FBXO9: variants seen among roughly 807,000 people sequenced by gnomAD.
FBXO9 encodes the protein F-box only protein 9.
FBXO9 carries 43 observed loss-of-function variants against 63.7 expected under a neutral mutation model. The observed-to-expected ratio is 0.67, with a 90% CI of 0.53 to 0.87. The LOEUF (loss-of-function observed/expected upper bound fraction) is 0.87. Among genes scored for constraint, FBXO9 ranks in the 40% least tolerant of loss-of-function variants. The probability of loss-of-function intolerance (pLI) is 0.00; values close to 1 mark genes in which losing one functional copy is unlikely to be tolerated. For synonymous variants in FBXO9, 156 were observed against 171.7 expected (o/e 0.91, Z 0.72); for missense variants, 442 against 533.2 (o/e 0.83, Z 1.68).
chr6:53,084,100 T>C (rs897258925), intron 7 of FBXO9, among the ~76,000 whole-genome samples: 9 of 152,250 alleles, frequency 5.9e-5, no homozygotes, highest in African/African-American at 2.2e-4. Context: ...TATTGTTAGG[T>C]GTGGTACTTC....
intron 4 of FBXO9, among the ~76,000 whole-genome samples, chr6:53,077,317 A>T (rs1465396466): frequency 1.3e-5 from 2 of 151,786 alleles, no homozygotes; most frequent in African/African-American, 4.8e-5. Flanking sequence ...TACTAAAAAT[A>T]CAAAAAATTA....
chr6:53,069,942 TAAAA>T (rs1562062259), intron 1 of FBXO9, among the ~76,000 whole-genome samples: 1 of 150,008 alleles, frequency 6.7e-6, no homozygotes, highest in African/African-American at 2.4e-5. Flanking sequence ...CTTGTAGAAC[TAAAA>T]AAATACCAAA....
intron 7 of FBXO9, among the ~76,000 whole-genome samples, chr6:53,090,059 A>G (rs1763001844): frequency 6.6e-6 from 1 of 152,228 alleles, no homozygotes; most frequent in African/African-American, 2.4e-5. Context: ...TTTTTAAAGG[A>G]AAAAATGAGG....
chr6:53,069,798 GAC>G (rs988281488), intron 1 of FBXO9, among the ~76,000 whole-genome samples: 1 of 151,998 alleles, frequency 6.6e-6, no homozygotes, highest in Admixed American at 6.6e-5. Context: ...TTTTACATAT[GAC>G]ATCTTGAGAA....
At position 53,093,775 on chromosome 6, in the gene FBXO9, T is replaced by C. The variant is rs1763118553; in HGVS notation, c.960-110T>C. 9 of 955,048 alleles carry C rather than the reference T, an allele frequency of 9.4e-6. 1 individual carries two copies. In the South Asian group the frequency reaches 1.2e-4, roughly 13 times the overall value. 59.2% of individuals were successfully genotyped at this position (955,048 alleles called of 1,614,324 possible). On this transcript the variant is annotated intron_variant, in intron 10 of 12. Transcript: ENST00000323557. ...CTTGGAATTGAGTTTTACTCAATCC[T>C]AGCTGATTCTTTTCAAGCAAGAGTA...
At chr6:53,096,123 TAAG>T (rs1763202223) in intron 12 of FBXO9, among the ~76,000 whole-genome samples, 1 of 152,226 alleles carries the variant, frequency 6.6e-6, no homozygotes, top group South Asian at 2.1e-4. Context: ...ACTAAAAAAA[TAAG>T]AGGTATTCCA....
At chr6:53,068,635 G>A (rs887103280) in intron 1 of FBXO9, among the ~76,000 whole-genome samples, 1 of 101,972 alleles carries the variant, frequency 9.8e-6, no homozygotes, top group Non-Finnish European at 2.0e-5. Flanking sequence ...ATCATCTTAC[G>A]GAATATATAT....
In FBXO9 at chr6:53,098,116, G is replaced by A. The variant is rs1348409098; in HGVS notation, c.*286G>A. ...TAAGTTGCTTAAGCATATTTATGTTGTGAGAAACCTTAATATGAGGTTTAT... is the reference window on the plus strand; with the variant it reads ...TAAGTTGCTTAAGCATATTTATGTTATGAGAAACCTTAATATGAGGTTTAT... On this transcript the variant is annotated 3_prime_UTR_variant, in exon 13 of 13. Transcript: ENST00000323557. The A allele has an allele frequency of 9.3e-6, 3 of 323,282 alleles. No homozygotes were observed. The highest frequency in any genetic ancestry group is 9.0e-5 in the Admixed American group (3 of 33,378). 20.0% of individuals were successfully genotyped at this position (323,282 alleles called of 1,614,324 possible).
chr6:53,077,808 C>T (rs902304056), intron 4 of FBXO9, among the ~76,000 whole-genome samples: 1 of 152,144 alleles, frequency 6.6e-6, no homozygotes, highest in East Asian at 1.9e-4. Flanking sequence ...TTGTGAAATT[C>T]GCATCTCCAC....
intron 2 of FBXO9, 67 bp from the exon 3 acceptor site, chr6:53,073,414 T>C: frequency 3.7e-6 from 5 of 1,353,232 alleles, no homozygotes; most frequent in South Asian, 2.6e-5. Context: ...GTTGGACATA[T>C]TGATACATTG....
chr6:53,072,498 C>A (rs947403919), intron 2 of FBXO9, among the ~76,000 whole-genome samples: 2 of 152,152 alleles, frequency 1.3e-5, no homozygotes, highest in African/African-American at 2.4e-5. Context: ...TCAGAGATGA[C>A]CTGAGTTGCA....
chr6:53,071,341 TTTAACA>T (rs1768909024), intron 2 of FBXO9, among the ~76,000 whole-genome samples, 198 bp downstream of exon 2: 1 of 152,214 alleles, frequency 6.6e-6, no homozygotes, highest in South Asian at 2.1e-4. Context: ...TTGCTTGTAG[TTTAACA>T]TGGGTTTAAA....
chr6:53,091,989 T>C (rs2816351), intron 7 of FBXO9: 147,700 of 159,026 alleles, frequency 0.93, 68,693 homozygotes, highest in East Asian at 1. Context: ...CATCATAGTT[T>C]CCTCTGCACA....
At chr6:53,081,416 C>T (rs538229876) in intron 6 of FBXO9, among the ~76,000 whole-genome samples, 117 of 152,264 alleles carry the variant, frequency 7.7e-4, no homozygotes, top group Non-Finnish European at 8.1e-4. Context: ...GGATTACAGG[C>T]GTGTGCCACC....
intron 7 of FBXO9, among the ~76,000 whole-genome samples, chr6:53,088,848 C>G (rs2127497021): frequency 6.6e-6 from 1 of 152,130 alleles, no homozygotes. Context: ...GATCCGCCCA[C>G]CTCAGTCTCC....
At chr6:53,076,768 T>G (rs1400168689) in intron 4 of FBXO9, among the ~76,000 whole-genome samples, 1 of 148,022 alleles carries the variant, frequency 6.8e-6, no homozygotes, top group Non-Finnish European at 1.5e-5. Flanking sequence ...TTACTTATTA[T>G]GTAAATAGTT....
intron 7 of FBXO9, among the ~76,000 whole-genome samples, chr6:53,084,094 G>T (rs1358044658): frequency 6.6e-6 from 1 of 152,214 alleles, no homozygotes; most frequent in Non-Finnish European, 1.5e-5. Flanking sequence ...CAGCGTTATT[G>T]TTAGGTGTGG....
intron 6 of FBXO9, among the ~76,000 whole-genome samples, chr6:53,081,791 G>A (rs112166135): frequency 3.9e-5 from 6 of 152,260 alleles, no homozygotes; most frequent in African/African-American, 1.2e-4. Flanking sequence ...ATTTTTGTTC[G>A]GGCATGGTGG....
intron 8 of FBXO9, 42 bp downstream of exon 8, chr6:53,092,589 T>A (rs1763073480): frequency 2.0e-6 from 3 of 1,534,558 alleles, no homozygotes; most frequent in Non-Finnish European, 2.7e-6. Context: ...TACTGATCTA[T>A]AATGCTGATT....
Sources: allele counts gnomAD v4.1 joint callset (sites outside exome capture counted in the v4.1 genomes callset), GRCh38; gene constraint gnomAD v4.1.1; transcripts MANE v1.5; gene names NCBI Gene and HGNC (gene_info 2026-07-23, HGNC 2026-07-21).